MAP3K8: variants seen among roughly 807,000 people sequenced by gnomAD.
MAP3K8 encodes the protein Ewing sarcoma transformant.
In MAP3K8, 22 loss-of-function variants were observed where a neutral mutation model predicts 45.8. That is an observed-to-expected ratio of 0.48 (90% CI 0.34 to 0.69). The LOEUF is 0.69. MAP3K8 is among the 30% of genes least tolerant of loss of function. The pLI is 0.01. For synonymous variants in MAP3K8, 223 were observed against 214.3 expected, an observed-to-expected ratio of 1.04 and a Z score of -0.36; for missense variants, 419 against 585.0, an observed-to-expected ratio of 0.72 and a Z score of 2.93.
intron 8 of MAP3K8, among the ~76,000 whole-genome samples, 177 bp downstream of exon 8, chr10:30,459,678 G>A: frequency 6.6e-6 from 1 of 151,706 alleles, no homozygotes; most frequent in East Asian, 1.9e-4. Flanking sequence ...TTTTAAATTG[G>A]CTAATTTAGC....
chr10:30,459,539 C>A, intron 8 of MAP3K8, 38 bp downstream of exon 8: 1 of 1,608,138 alleles, frequency 6.2e-7, no homozygotes. Flanking sequence ...ACTTACTTCC[C>A]TTCTCTTTCT....
intron 4 of MAP3K8, among the ~76,000 whole-genome samples, chr10:30,448,485 T>G (rs958385761): frequency 6.6e-6 from 1 of 151,262 alleles, no homozygotes; most frequent in Non-Finnish European, 1.5e-5. Context: ...CAGGCTGGAG[T>G]GCAGTGTCGG....
chr10:30,437,207 G>C lies in MAP3K8; in HGVS notation c.-223G>C. 9.1e-6 allele frequency: 9 copies of C among 985,228 alleles called. No individual in the cohort carries two copies. The highest frequency in any genetic ancestry group is 1.7e-5 in the African/African-American group (1 of 57,292). The allele number at this position is 985,228 out of a possible 1,614,324, so 61.0% of individuals were successfully genotyped here. A position where few individuals can be genotyped will look rare whatever the true frequency, so the allele number is the denominator to read the frequency against. On this transcript the variant is annotated 5_prime_UTR_variant, in exon 2 of 9. Coordinates refer to ENST00000263056, the MANE Select transcript of MAP3K8 (RefSeq NM_005204.4). ...TCTTCTTACCGCGAAGAAGCCAGGGGAATAGGTAGCCACATCTTGTTTGCA... is the reference window on the plus strand; with the variant it reads ...TCTTCTTACCGCGAAGAAGCCAGGGCAATAGGTAGCCACATCTTGTTTGCA...
rs1164186864 is a variant in MAP3K8 at position 30,438,286 on chromosome 10, G to T, written c.-23-630G>T. The stretch of plus-strand genomic sequence containing the variant: ...TCATACTCATCACTGGGAGAACAAG[G>T]TTTCCTGTCATCCTTCCAATTAGCT... On this transcript the variant is annotated intron_variant, in intron 2 of 8. Coordinates refer to ENST00000263056, the MANE Select transcript of MAP3K8 (RefSeq NM_005204.4). 3.9e-5 allele frequency among the ~76,000 whole-genome samples: 6 copies of T among 152,176 alleles called. No homozygotes were observed. In the East Asian group the frequency reaches 1.2e-3, roughly 29 times the overall value.
chr10:30,459,560 A>G (rs1462761328), intron 8 of MAP3K8, 59 bp downstream of exon 8: 8 of 1,587,894 alleles, frequency 5.0e-6, no homozygotes, highest in East Asian at 2.2e-5. Flanking sequence ...GTCCACATCA[A>G]ACCTCTGATG....
intron 7 of MAP3K8, 40 bp downstream of exon 7, chr10:30,458,276 G>GA: frequency 2.2e-6 from 3 of 1,358,798 alleles, no homozygotes; most frequent in Non-Finnish European, 2.9e-6. Flanking sequence ...GGCGGGGGGG[G>GA]GCGTTGAGTT....
intron 1 of MAP3K8, among the ~76,000 whole-genome samples, chr10:30,436,184 T>C (rs1025051790): frequency 1.4e-4 from 22 of 152,238 alleles, no homozygotes; most frequent in African/African-American, 4.8e-4. Context: ...AATCATCTTA[T>C]ACTAAACGTC....
intron 2 of MAP3K8, 22 bp downstream of exon 2, chr10:30,437,428 AT>A: frequency 2.0e-6 from 1 of 492,588 alleles, no homozygotes; most frequent in Non-Finnish European, 2.6e-6. Flanking sequence ...TATTACTTCC[AT>A]TTTACAGATG....
chr10:30,458,235 T>C lies in MAP3K8; in HGVS notation c.1025T>C (p.Ile342Thr). The C allele has an allele frequency of 7.1e-7, 1 of 1,405,632 alleles. No homozygotes were observed. Among genetic ancestry groups the C allele is most frequent in the Non-Finnish European group, 9.5e-7 (1 of 1,050,578 alleles). The allele number at this position is 1,405,632 out of a possible 1,614,324, so 87.1% of individuals were successfully genotyped here. Reference protein sequence around the residue: ...PRSAYPSYLYIIHKQAPPLED... With the variant: ...PRSAYPSYLYTIHKQAPPLED... ...TCAGCCTATCCCTCCTACCTGTACATAGTAAGTGGGGTTCAACCAGGGCTG... is the reference window on the plus strand; with the variant it reads ...TCAGCCTATCCCTCCTACCTGTACACAGTAAGTGGGGTTCAACCAGGGCTG... Residue 342 changes from isoleucine to threonine, a missense_variant and splice_region_variant, in exon 7 of 9, where the codon ATA (isoleucine) becomes ACA (threonine). By Grantham distance (89) the Ile-to-Thr change is moderately conservative. This residue lies in a region of MAP3K8 where 209 missense variants were observed against 367.3 expected (regional missense o/e 0.57). Transcript: ENST00000263056.
At chr10:30,458,316 T>G in intron 7 of MAP3K8, 80 bp downstream of exon 7, 2 of 1,008,362 alleles carry the variant, frequency 2.0e-6, no homozygotes, top group Non-Finnish European at 2.7e-6. Context: ...GAGGGACTGC[T>G]CTGCCTTCTA....
At chr10:30,442,462 T>C (rs1272325500) in intron 3 of MAP3K8, among the ~76,000 whole-genome samples, 5 of 152,202 alleles carry the variant, frequency 3.3e-5, no homozygotes, top group Non-Finnish European at 7.4e-5. Flanking sequence ...CACAACACCA[T>C]TGAGTTATTT....
chr10:30,450,456 A>G lies in MAP3K8; in HGVS notation c.703A>G (p.Lys235Glu). The G allele has an allele frequency of 6.2e-7, 1 of 1,614,108 alleles. No individual in the cohort carries two copies. Among genetic ancestry groups the G allele is most frequent in the Non-Finnish European group, 8.5e-7 (1 of 1,179,958 alleles). ...MREFEIIWVTKHVLKGLDFLH... is the reference protein window; with the variant it reads ...MREFEIIWVTEHVLKGLDFLH... ...AGAATTTGAAATTATTTGGGTGACA[A>G]AGCATGTTCTCAAGGGACTTGATTT... The change falls in exon 5 of 9, where the codon AAG (lysine) becomes GAG (glutamate). Residue 235 changes from lysine (K) to glutamate (E), a missense_variant. This residue lies in a region of MAP3K8 where 209 missense variants were observed against 367.3 expected (regional missense o/e 0.57). Transcript: ENST00000263056.
Position 30,460,814 on chromosome 10 carries a change from C to A in MAP3K8, c.1382C>A (p.Pro461Gln), listed in dbSNP as rs1020784662. Residue 461 changes from proline (P) to glutamine (Q), a missense_variant, in exon 9 of 9, where the codon CCA becomes CAA. Around this residue, in one of 3 missense-constraint regions of MAP3K8, gnomAD observed 108 missense variants for 124.2 expected, o/e 0.87. Transcript: ENST00000263056. Reference sequence around the variant, plus strand: ...GGCTACTTCAATCTTGTTCGGGGACCACCAACGCTTGAATATGGCTGAAGG... The same window carrying A: ...GGCTACTTCAATCTTGTTCGGGGACAACCAACGCTTGAATATGGCTGAAGG... ...LAGYFNLVRG[P>Q]PTLEYG The A allele has an allele frequency of 9.9e-6, 16 of 1,613,732 alleles. No individual in the cohort carries two copies. The East Asian group carries it at 2.7e-4, about 27-fold the overall frequency.
chr10:30,453,887 AAAAG>A (rs1588788723), intron 6 of MAP3K8, among the ~76,000 whole-genome samples: 2 of 140,744 alleles, frequency 1.4e-5, no homozygotes, highest in Admixed American at 7.5e-5. Flanking sequence ...AAAAAAGAAA[AAAAG>A]AAGGAAGGGA....
chr10:30,450,591 C>G lies in MAP3K8; in HGVS notation c.766+72C>G, dbSNP rs779668761. On this transcript the variant is annotated intron_variant, in intron 5 of 8. Transcript: ENST00000263056. The stretch of plus-strand genomic sequence containing the variant: ...ATTCAGGAGACAAACAAGCTCCTTC[C>G]TGTAATCTGAAGACCCTCCATGGAG... 18 of 1,435,554 alleles carry G rather than the reference C, an allele frequency of 1.3e-5. No homozygotes were observed. The South Asian group carries it at 2.2e-4, about 17-fold the overall frequency. 88.9% of individuals were successfully genotyped at this position (1,435,554 alleles called of 1,614,324 possible). A position where few individuals can be genotyped will look rare whatever the true frequency, so the allele number is the denominator to read the frequency against.
chr10:30,459,010 G>A (rs1286724237), intron 7 of MAP3K8, among the ~76,000 whole-genome samples: 2 of 152,158 alleles, frequency 1.3e-5, no homozygotes, highest in African/African-American at 4.8e-5. Flanking sequence ...CCAGGAGTTC[G>A]AGGCTACGGT....
rs994116151 is a variant in MAP3K8, at chr10:30,461,638, A to C, written c.*802A>C. The stretch of plus-strand genomic sequence containing the variant: ...ACTAAATTTTCTTTTAAGCATTTGT[A>C]TATTAAAATAGCATACTGTGTATGT... On this transcript the variant is annotated 3_prime_UTR_variant, in exon 9 of 9. Coordinates refer to ENST00000263056, the MANE Select transcript of MAP3K8 (RefSeq NM_005204.4). 1 of 186,286 alleles carries C rather than the reference A, an allele frequency of 5.4e-6. No individual in the cohort carries two copies. The highest frequency in any genetic ancestry group is 1.1e-5 in the Non-Finnish European group (1 of 88,120). 11.5% of individuals were successfully genotyped at this position (186,286 alleles called of 1,614,324 possible). A position where few individuals can be genotyped will look rare whatever the true frequency, so the allele number is the denominator to read the frequency against.
chr10:30,450,000 C>A (rs1836480915), intron 4 of MAP3K8, among the ~76,000 whole-genome samples: 2 of 152,116 alleles, frequency 1.3e-5, no homozygotes, highest in Admixed American at 1.3e-4. Context: ...GGATAGATTT[C>A]TGACTTCTAA....
Position 30,461,151 on chromosome 10 carries a change from A to C in MAP3K8, c.*315A>C. 1 of 285,050 alleles carries C rather than the reference A, an allele frequency of 3.5e-6. No homozygotes were observed. 17.7% of individuals were successfully genotyped at this position (285,050 alleles called of 1,614,324 possible). A position where few individuals can be genotyped will look rare whatever the true frequency, so the allele number is the denominator to read the frequency against. ...TTTGCTCAAAATTTTAAAAATACCA[A>C]TCACAAGGATAATAGAGTAGCCTAA... On this transcript the variant is annotated 3_prime_UTR_variant, in exon 9 of 9. Transcript: ENST00000263056.
Sources: allele counts gnomAD v4.1 joint callset (sites outside exome capture counted in the v4.1 genomes callset), GRCh38; gene constraint gnomAD v4.1.1; regional missense constraint gnomAD v4.1.1; transcripts MANE v1.5; gene names NCBI Gene and HGNC (gene_info 2026-07-23, HGNC 2026-07-21).